The following RBM23 variants were observed in gnomAD, a reference collection of about 807,000 sequenced individuals.
The protein encoded by RBM23 is probable RNA-binding protein 23.
In RBM23, 53 loss-of-function variants were observed where a neutral mutation model predicts 56.2. The ratio of observed to expected loss-of-function variants is 0.94; its 90% CI spans 0.76 to 1.19. The LOEUF (loss-of-function observed/expected upper bound fraction) is 1.19, where lower values mean the gene tolerates loss of function less well. Among genes scored for constraint, RBM23 ranks in the 50% most tolerant of loss-of-function variants. RBM23 has a pLI of 0.00. For synonymous variants in RBM23, 197 were observed against 198.5 expected (o/e 0.99, Z 0.06); for missense variants, 642 against 590.3 (o/e 1.09, Z -0.91).
At position 22,900,022 on chromosome 14, in the gene RBM23, T is replaced by C. The variant is rs1192336003; in HGVS notation, c.*1708A>G. On this transcript the variant is annotated 3_prime_UTR_variant, in exon 14 of 14. Transcript: ENST00000359890. ...CAGCCTCTCTCCCACCCCCTTATTATTAAGGCAGTGGTAGGTGCACCTTCC... is the reference window on the plus strand; with the variant it reads ...CAGCCTCTCTCCCACCCCCTTATTACTAAGGCAGTGGTAGGTGCACCTTCC... 2.0e-5 allele frequency: 3 copies of C among 152,254 alleles called. No homozygotes were observed. Among genetic ancestry groups the C allele is most frequent in the African/African-American group, 4.8e-5 (2 of 41,534 alleles). The allele number at this position is 152,254 out of a possible 1,614,324, so 9.4% of individuals were successfully genotyped here.
chr14:22,901,624 C>A lies in RBM23; in HGVS notation c.*106G>T. The stretch of plus-strand genomic sequence containing the variant: ...ATTTCCTCAGAGACAATGTCCATGC[C>A]CTCAGGATGGCTTGGTCCACAAAAT... On this transcript the variant is annotated 3_prime_UTR_variant, in exon 14 of 14. Coordinates refer to ENST00000359890, the MANE Select transcript of RBM23 (RefSeq NM_001077351.2). 1.3e-6 allele frequency: 2 copies of A among 1,494,210 alleles called. No homozygotes were observed. The highest frequency in any genetic ancestry group is 2.3e-5 in the East Asian group (1 of 44,058). 92.6% of individuals were successfully genotyped at this position (1,494,210 alleles called of 1,614,324 possible). A position where few individuals can be genotyped will look rare whatever the true frequency, so the allele number is the denominator to read the frequency against.
Position 22,901,856 on chromosome 14 carries a change from G to A in RBM23, c.1274C>T (p.Ser425Phe). 6.2e-7 allele frequency: 1 copy of A among 1,614,218 alleles called. No individual in the cohort carries two copies. The highest frequency in any genetic ancestry group is 1.1e-5 in the South Asian group (1 of 91,084). ...GAGGCTGGAGAGCTGGAAACACTGG[G>A]AGGCAAGGTTCAGGGCTGGACTCAG... ...TALSPALNLASQCFQLSSLFT... is the reference protein window; with the variant it reads ...TALSPALNLAFQCFQLSSLFT... The change falls in exon 13 of 14, where the codon TCC (serine) becomes TTC (phenylalanine). Residue 425 changes from serine (S) to phenylalanine (F), a missense_variant. Coordinates refer to ENST00000359890, the MANE Select transcript of RBM23 (RefSeq NM_001077351.2).
chr14:22,913,127 C>T (rs1233750768), intron 1 of RBM23, among the ~76,000 whole-genome samples: 2 of 145,704 alleles, frequency 1.4e-5, no homozygotes, highest in Non-Finnish European at 1.5e-5. Flanking sequence ...TAAAAGGGCA[C>T]AAGAAGGCCG....
In RBM23 at chr14:22,908,317, G is replaced by C; in HGVS notation, c.227+16C>G. 6.5e-7 allele frequency: 1 copy of C among 1,549,568 alleles called. No individual in the cohort carries two copies. The highest frequency in any genetic ancestry group is 8.7e-7 in the Non-Finnish European group (1 of 1,146,796). ...TTAAAGATACGAGCCACTGTGCCTGGCCCAGAATTACTGACCTGCGCTTTC... is the reference window on the plus strand; with the variant it reads ...TTAAAGATACGAGCCACTGTGCCTGCCCCAGAATTACTGACCTGCGCTTTC... On this transcript the variant is annotated intron_variant, in intron 4 of 13. Transcript: ENST00000359890.
chr14:22,902,212 AAAACG>A lies in RBM23; in HGVS notation c.1096_1100del (p.Arg366SerfsTer108). 1 of 1,614,152 alleles carries A rather than the reference AAAACG, an allele frequency of 6.2e-7. No individual in the cohort carries two copies. Reference sequence around the variant, plus strand: ...CTTCTGCCAGTTTTGCCATGAGCTGAAAACGTCCACCTGCTGATCCCAGATCCAGC... The same window carrying A: ...CTTCTGCCAGTTTTGCCATGAGCTGATCCACCTGCTGATCCCAGATCCAGC... On this transcript the variant is annotated frameshift_variant, in exon 11 of 14. Coordinates refer to ENST00000359890, the MANE Select transcript of RBM23 (RefSeq NM_001077351.2). LOFTEE classifies it high-confidence loss of function.
intron 9 of RBM23, among the ~76,000 whole-genome samples, 189 bp downstream of exon 9, chr14:22,904,686 G>A (rs1448434823): frequency 6.6e-6 from 1 of 151,972 alleles, no homozygotes; most frequent in Admixed American, 6.6e-5. Context: ...TTTGATTTGT[G>A]TCTAACTTAT....
intron 5 of RBM23, 97 bp downstream of exon 5, chr14:22,906,098 T>C (rs2041497396): frequency 2.9e-6 from 4 of 1,368,190 alleles, no homozygotes; most frequent in Non-Finnish European, 4.0e-6. Context: ...CCAATCACAA[T>C]GTGTTATAAT....
chr14:22,903,071 C>T (rs1246864675), intron 10 of RBM23: 6 of 985,232 alleles, frequency 6.1e-6, no homozygotes, highest in Non-Finnish European at 7.2e-6. Context: ...TGTGAGCCAC[C>T]GCGCCTGGCC....
At position 22,902,184 on chromosome 14, in the gene RBM23, T is replaced by C; in HGVS notation, c.1126+3A>G. The C allele has an allele frequency of 1.2e-6, 2 of 1,613,460 alleles. No individual in the cohort carries two copies. Among genetic ancestry groups the C allele is most frequent in the Non-Finnish European group, 1.7e-6 (2 of 1,179,368 alleles). ...TAATCTTCACCTTGCGGAGATATTT[T>C]ACCTTCTGCCAGTTTTGCCATGAGC... On this transcript the variant is annotated splice_donor_region_variant and intron_variant, in intron 11 of 13. Coordinates refer to ENST00000359890, the MANE Select transcript of RBM23 (RefSeq NM_001077351.2).
intron 2 of RBM23, among the ~76,000 whole-genome samples, chr14:22,910,151 C>CCAA: frequency 6.0e-5 from 1 of 16,704 alleles, no homozygotes; most frequent in East Asian, 3.4e-3. Context: ...GACTCTGTCT[C>CCAA]AAAAAAAAAA....
chr14:22,911,290 C>T, intron 2 of RBM23, 38 bp downstream of exon 2: 1 of 1,561,092 alleles, frequency 6.4e-7, no homozygotes, highest in Admixed American at 1.7e-5. Context: ...TACTCTTTCT[C>T]ATTAACCCAA....
Position 22,902,364 on chromosome 14 carries a change from C to A in RBM23, c.949G>T (p.Ala317Ser), listed in dbSNP as rs377709337. Residue 317 changes from alanine (A) to serine (S), a missense_variant, in exon 11 of 14, where the codon GCC becomes TCC. Coordinates refer to ENST00000359890, the MANE Select transcript of RBM23 (RefSeq NM_001077351.2). ...TTCAACTGTTCCAGGGCCCGCCGGGCACACTCAGAATCAGAGAACTATGAG... is the reference window on the plus strand; with the variant it reads ...TTCAACTGTTCCAGGGCCCGCCGGGAACACTCAGAATCAGAGAACTATGAG... ...GFITFSDSEC[A>S]RRALEQLNGF... 2 of 1,613,064 alleles carry A rather than the reference C, an allele frequency of 1.2e-6. No homozygotes were observed. The highest frequency in any genetic ancestry group is 4.5e-5 in the East Asian group (2 of 44,848).
At chr14:22,908,306 C>T in intron 4 of RBM23, 27 bp downstream of exon 4, 1 of 1,549,204 alleles carries the variant, frequency 6.5e-7, no homozygotes, top group African/African-American at 1.4e-5. Context: ...AGATACGAGC[C>T]ACTGTGCCTG....
intron 10 of RBM23, chr14:22,902,988 G>A: frequency 1.3e-6 from 1 of 779,658 alleles, no homozygotes; most frequent in Non-Finnish European, 1.6e-6. Flanking sequence ...CACCACGTTG[G>A]TCAGGCTGGT....
intron 2 of RBM23, among the ~76,000 whole-genome samples, chr14:22,909,973 C>T (rs769085389): frequency 6.7e-5 from 10 of 150,228 alleles, no homozygotes; most frequent in African/African-American, 1.2e-4. Flanking sequence ...GCCGACATGT[C>T]GAAACCCCAT....
chr14:22,915,682 G>T (rs562042243), intron 1 of RBM23, among the ~76,000 whole-genome samples: 1 of 151,828 alleles, frequency 6.6e-6, no homozygotes, highest in South Asian at 2.1e-4. Flanking sequence ...TTTTAGTAGA[G>T]ACAAAGTTTC....
chr14:22,916,709 T>C (rs944322152), intron 1 of RBM23, among the ~76,000 whole-genome samples: 11 of 152,072 alleles, frequency 7.2e-5, no homozygotes, highest in Admixed American at 2.6e-4. Context: ...TTTAAATATA[T>C]ACTCACTGAA....
rs761728021 is a variant in RBM23 at position 22,901,734 on chromosome 14, C to T, written c.1317-1G>A. 1.2e-6 allele frequency: 2 copies of T among 1,613,656 alleles called. No homozygotes were observed. Among genetic ancestry groups the T allele is most frequent in the African/African-American group, 1.3e-5 (1 of 75,016 alleles). On this transcript the variant is annotated splice_acceptor_variant, in intron 13 of 13. Coordinates refer to ENST00000359890, the MANE Select transcript of RBM23 (RefSeq NM_001077351.2). LOFTEE classifies it high-confidence loss of function. ...GCAGTATACTGTGCCACTGATTTAC[C>T]TGTGGAAAGAAGAGGTAAATGGGAA...
In RBM23 at chr14:22,905,336, C is replaced by G. The variant is rs368404024; in HGVS notation, c.573G>C (p.Lys191Asn). 2 of 1,613,948 alleles carry G rather than the reference C, an allele frequency of 1.2e-6. No individual in the cohort carries two copies. Among genetic ancestry groups the G allele is most frequent in the Non-Finnish European group, 1.7e-6 (2 of 1,180,020 alleles). Reference protein sequence around the residue: ...DLEDFFSAVGKVRDVRIISDR... With the variant: ...DLEDFFSAVGNVRDVRIISDR... ...AAGAAAACTAAGGTGGGAGGGTTAC[C>G]TTGCCTACAGCAGAGAAAAAGTCCT... The change falls in exon 7 of 14, where the codon AAG becomes AAC. Residue 191 changes from lysine to asparagine, a missense_variant and splice_region_variant. Physicochemically the swap from Lys to Asn is moderately conservative, Grantham distance 94. Coordinates refer to ENST00000359890, the MANE Select transcript of RBM23 (RefSeq NM_001077351.2).
Sources: gnomAD v4.1 joint callset for allele counts (sites outside exome capture counted in the v4.1 genomes callset) on GRCh38, gnomAD v4.1.1 for gene constraint, MANE v1.5 for transcripts, NCBI Gene and HGNC (gene_info 2026-07-23, HGNC 2026-07-21) for gene names.